Variants in MYO5B observed in about 807,000 individuals in gnomAD.
MYO5B encodes the protein myosin VB, also known as unconventional myosin-Vb.
Under a neutral mutation model 229.3 loss-of-function variants are expected in MYO5B, and 143 were observed. That is an observed-to-expected ratio of 0.62 (90% CI 0.54 to 0.72). MYO5B has a LOEUF of 0.72. MYO5B is among the 30% of genes least tolerant of loss of function. The pLI, the probability that MYO5B is intolerant of heterozygous loss-of-function variation, is 0.00. For missense variants in MYO5B, 2,321 were observed against 2,331.0 expected (o/e 1.00, Z 0.09); for synonymous variants, 918 against 885.2 (o/e 1.04, Z -0.66).
At chr18:49,962,884 C>T (rs1345560721) in intron 11 of MYO5B, 65 bp downstream of exon 11, 14 of 1,352,460 alleles carry the variant, frequency 1.0e-5, no homozygotes, top group African/African-American at 2.9e-5. Context: ...GAGAAGTGGC[C>T]TGTCTGTCCC....
chr18:50,184,309 T>C (rs1055306645), intron 1 of MYO5B, among the ~76,000 whole-genome samples: 7 of 152,092 alleles, frequency 4.6e-5, no homozygotes, highest in African/African-American at 1.4e-4. Context: ...TGCCGTTCTT[T>C]CTGCACATGG....
At chr18:50,154,541 T>C (rs1321917440) in intron 1 of MYO5B, among the ~76,000 whole-genome samples, 1 of 152,234 alleles carries the variant, frequency 6.6e-6, no homozygotes, top group East Asian at 1.9e-4. Flanking sequence ...AAGTCCTCAA[T>C]TGTGTAATAT....
intron 23 of MYO5B, chr18:49,879,531 T>C: frequency 4.2e-6 from 1 of 235,436 alleles, no homozygotes. Flanking sequence ...AAGGATGGGC[T>C]ACTTCCCTGC....
At chr18:49,960,759 G>A (rs1181640929) in intron 12 of MYO5B, among the ~76,000 whole-genome samples, 1 of 152,186 alleles carries the variant, frequency 6.6e-6, no homozygotes. Context: ...ACCACCCAAT[G>A]TCTTGACATG....
chr18:49,853,719 A>G, intron 30 of MYO5B, 72 bp from the exon 31 acceptor site: 3 of 1,432,044 alleles, frequency 2.1e-6, no homozygotes, highest in Non-Finnish European at 9.6e-7. Flanking sequence ...ACAGGCAGAA[A>G]CATAACAGGG....
chr18:49,829,751 C>A (rs972009417), intron 39 of MYO5B, among the ~76,000 whole-genome samples: 1 of 152,108 alleles, frequency 6.6e-6, no homozygotes, highest in Non-Finnish European at 1.5e-5. Flanking sequence ...TACACCATGA[C>A]CAAGCAAGAT....
At chr18:49,895,393 A>G (rs1258598053) in intron 21 of MYO5B, among the ~76,000 whole-genome samples, 1 of 145,772 alleles carries the variant, frequency 6.9e-6, no homozygotes, top group African/African-American at 2.5e-5. Flanking sequence ...AGCAACACTG[A>G]CATTCAAAGA....
At chr18:50,089,526 C>T (rs1170323787) in intron 1 of MYO5B, among the ~76,000 whole-genome samples, 2 of 150,514 alleles carry the variant, frequency 1.3e-5, no homozygotes, top group East Asian at 3.9e-4. Flanking sequence ...TTGCTTGAGC[C>T]CAAGAGTTTG....
At chr18:50,091,150 C>T (rs758678670) in intron 1 of MYO5B, among the ~76,000 whole-genome samples, 14 of 152,156 alleles carry the variant, frequency 9.2e-5, no homozygotes, top group Non-Finnish European at 1.6e-4. Flanking sequence ...GCATTGCAGC[C>T]ACTTGCCACC....
At chr18:50,191,589 AT>A (rs1393211799) in intron 1 of MYO5B, among the ~76,000 whole-genome samples, 1 of 152,216 alleles carries the variant, frequency 6.6e-6, no homozygotes, top group African/African-American at 2.4e-5. Context: ...TCCTACAAGT[AT>A]TGTCTTTAAA....
intron 1 of MYO5B, among the ~76,000 whole-genome samples, chr18:50,193,793 C>T (rs961291795): frequency 6.6e-6 from 1 of 152,250 alleles, no homozygotes; most frequent in Non-Finnish European, 1.5e-5. Flanking sequence ...AAGAAAAGGC[C>T]TTTGCCCCTC....
chr18:50,096,913 C>T (rs2031562929), intron 1 of MYO5B, among the ~76,000 whole-genome samples: 1 of 152,202 alleles, frequency 6.6e-6, no homozygotes. Context: ...CTCCCAGCTC[C>T]TGCGGGAGAC....
intron 24 of MYO5B, among the ~76,000 whole-genome samples, chr18:49,878,165 T>C (rs1419972205): frequency 6.6e-6 from 1 of 152,124 alleles, no homozygotes; most frequent in Non-Finnish European, 1.5e-5. Context: ...CTCCCAGTCT[T>C]GCTCTTGAAA....
At chr18:49,929,155 T>C (rs960080996) in intron 17 of MYO5B, among the ~76,000 whole-genome samples, 6 of 152,154 alleles carry the variant, frequency 3.9e-5, no homozygotes, top group Non-Finnish European at 7.3e-5. Context: ...AATACATATA[T>C]TTTCCTTCTG....
intron 32 of MYO5B, 121 bp from the exon 33 acceptor site, chr18:49,847,410 G>A: frequency 8.0e-6 from 10 of 1,257,784 alleles, no homozygotes; most frequent in Non-Finnish European, 1.0e-5. Context: ...TCTCTGGCAG[G>A]TGGAGGATGG....
chr18:50,145,560 A>C (rs1057201508), intron 1 of MYO5B, among the ~76,000 whole-genome samples: 44 of 151,476 alleles, frequency 2.9e-4, no homozygotes, highest in Non-Finnish European at 1.2e-4. Context: ...AGCATCCCCA[A>C]AAGCAAAGTA....
At chr18:50,101,169 G>A (rs2031647352) in intron 1 of MYO5B, among the ~76,000 whole-genome samples, 2 of 152,218 alleles carry the variant, frequency 1.3e-5, no homozygotes. Context: ...AACTATGTGA[G>A]GTGATAGATG....
Position 50,040,130 on chromosome 18 carries a change from G to A in MYO5B, c.310+13C>T. 1.9e-6 allele frequency: 3 copies of A among 1,613,940 alleles called. No individual in the cohort carries two copies. Among genetic ancestry groups the A allele is most frequent in the Non-Finnish European group, 2.5e-6 (3 of 1,179,866 alleles). Reference sequence around the variant, plus strand: ...TTTCCAACGCATGCAGCCAACAGATGCCCCCCACTTACCACAGTAAGTGTA... The same window carrying A: ...TTTCCAACGCATGCAGCCAACAGATACCCCCCACTTACCACAGTAAGTGTA... On this transcript the variant is annotated intron_variant, in intron 3 of 39. Coordinates refer to ENST00000285039, the MANE Select transcript of MYO5B (RefSeq NM_001080467.3).
At chr18:49,895,317 G>A (rs2024766169) in intron 21 of MYO5B, 143 bp from the exon 22 acceptor site, 2 of 726,028 alleles carry the variant, frequency 2.8e-6, no homozygotes, top group Non-Finnish European at 4.9e-6. Context: ...ATGCTCAAGT[G>A]CTTGCCTGGC....
Sources: gnomAD v4.1 joint callset for allele counts (sites outside exome capture counted in the v4.1 genomes callset) on GRCh38, gnomAD v4.1.1 for gene constraint, MANE v1.5 for transcripts, NCBI Gene and HGNC (gene_info 2026-07-23, HGNC 2026-07-21) for gene names.